FHIT: variants seen among roughly 807,000 people sequenced by gnomAD.
FHIT encodes the protein fragile histidine triad diadenosine triphosphatase, also known as bis(5'-adenosyl)-triphosphatase.
A neutral mutation model predicts 17.9 loss-of-function variants in FHIT; 19 were observed. The ratio of observed to expected loss-of-function variants is 1.06; its 90% CI spans 0.74 to 1.56. The LOEUF is 1.56. Among genes scored for constraint, FHIT ranks in the 40% most tolerant of loss-of-function variants. The probability of loss-of-function intolerance (pLI) is 0.00; values close to 1 mark genes in which losing one functional copy is unlikely to be tolerated. For missense variants in FHIT, 248 were observed against 189.2 expected, an observed-to-expected ratio of 1.31 and a Z score of -1.82; for synonymous variants, 81 against 69.7, an observed-to-expected ratio of 1.16 and a Z score of -0.81.
intron 5 of FHIT, among the ~76,000 whole-genome samples, chr3:60,415,608 A>G (rs997126032): frequency 6.6e-6 from 1 of 152,156 alleles, no homozygotes; most frequent in Admixed American, 6.5e-5. Flanking sequence ...ATATGAATCA[A>G]TAAGAGAATC....
Position 60,640,510 on chromosome 3 carries a change from A to G in FHIT, c.-17-103531T>C, listed in dbSNP as rs189827557. Reference sequence around the variant, plus strand: ...TTTTCTACATCTTTGAGAAATAGTTACATGGGATGTTTATTTTGAAAATAT... The same window carrying G: ...TTTTCTACATCTTTGAGAAATAGTTGCATGGGATGTTTATTTTGAAAATAT... On this transcript the variant is annotated intron_variant, in intron 4 of 9. Coordinates refer to ENST00000492590, the MANE Select transcript of FHIT (RefSeq NM_002012.4). 3.3e-5 allele frequency among the ~76,000 whole-genome samples: 5 copies of G among 152,298 alleles called. 1 individual carries two copies. The highest frequency in any genetic ancestry group is 2.6e-4 in the Admixed American group (4 of 15,288).
chr3:60,198,097 T>A (rs2107486068), intron 5 of FHIT, among the ~76,000 whole-genome samples: 2 of 150,094 alleles, frequency 1.3e-5, no homozygotes, highest in Admixed American at 1.3e-4. Context: ...TGAGGAACGT[T>A]TGGATGACTT....
chr3:60,113,693 C>A (rs138330022), intron 5 of FHIT, among the ~76,000 whole-genome samples: 1 of 151,622 alleles, frequency 6.6e-6, no homozygotes, highest in Admixed American at 6.6e-5. Flanking sequence ...TACACTTAAA[C>A]ATGATCAATG....
chr3:60,536,978 G>A lies in FHIT; in HGVS notation c.-16C>T, dbSNP rs375371932. On this transcript the variant is annotated splice_region_variant and 5_prime_UTR_variant, in exon 5 of 10. Coordinates refer to ENST00000492590, the MANE Select transcript of FHIT (RefSeq NM_002012.4). ...TGAACGACATGTCCTCACAGTTGAA[G>A]TCTAAAAGAAAAGACAATGGATAGT... 3.8e-6 allele frequency: 6 copies of A among 1,597,116 alleles called. No individual in the cohort carries two copies. The highest frequency in any genetic ancestry group is 4.3e-6 in the Non-Finnish European group (5 of 1,174,638).
chr3:60,904,062 T>C (rs1553763923), intron 3 of FHIT, among the ~76,000 whole-genome samples: 1 of 152,204 alleles, frequency 6.6e-6, no homozygotes, highest in East Asian at 1.9e-4. Context: ...TGTCCTTCCA[T>C]TTCTCATTTT....
intron 5 of FHIT, among the ~76,000 whole-genome samples, chr3:60,413,646 A>C (rs1269244481): frequency 3.4e-5 from 2 of 59,638 alleles, no homozygotes; most frequent in African/African-American, 1.4e-4. Flanking sequence ...GACTGCAGGG[A>C]ACTCTGTGTG....
chr3:60,462,058 A>G (rs995947034), intron 5 of FHIT, among the ~76,000 whole-genome samples: 2 of 152,166 alleles, frequency 1.3e-5, no homozygotes, highest in African/African-American at 4.8e-5. Context: ...CTAACACTGA[A>G]TGGGTGCCCC....
intron 3 of FHIT, among the ~76,000 whole-genome samples, chr3:60,921,737 C>T (rs375547928): frequency 2.0e-5 from 3 of 152,048 alleles, no homozygotes; most frequent in South Asian, 4.1e-4. Flanking sequence ...CAAATATGAT[C>T]AGACCTTCCC....
At chr3:60,188,201 TTC>T (rs1282051846) in intron 5 of FHIT, among the ~76,000 whole-genome samples, 19 of 93,606 alleles carry the variant, frequency 2.0e-4, no homozygotes, top group African/African-American at 6.8e-4. Flanking sequence ...TCTTGACAGT[TTC>T]TTTCTTTTTT....
intron 3 of FHIT, among the ~76,000 whole-genome samples, chr3:60,876,241 G>T (rs574345779): frequency 1.3e-5 from 2 of 152,134 alleles, no homozygotes; most frequent in South Asian, 4.2e-4. Flanking sequence ...GTTGAGTTTA[G>T]GTAATGGAAC....
chr3:60,827,718 T>C (rs1254324574), intron 3 of FHIT, among the ~76,000 whole-genome samples: 1 of 152,240 alleles, frequency 6.6e-6, no homozygotes, highest in Non-Finnish European at 1.5e-5. Context: ...GGCGTTCAGC[T>C]AGGGAGCTGT....
intron 5 of FHIT, among the ~76,000 whole-genome samples, chr3:60,160,074 C>T (rs1055058663): frequency 3.3e-5 from 5 of 151,988 alleles, no homozygotes; most frequent in African/African-American, 9.7e-5. Flanking sequence ...TTTTTAAAGT[C>T]TGTGCTGCAT....
intron 7 of FHIT, among the ~76,000 whole-genome samples, chr3:59,957,204 CCAT>C (rs1472763157): frequency 6.6e-5 from 10 of 152,146 alleles, no homozygotes; most frequent in African/African-American, 2.4e-4. Context: ...TAAAGTGAGA[CCAT>C]CAAGTTAAAA....
chr3:59,802,740 C>A (rs1410590322), intron 8 of FHIT, among the ~76,000 whole-genome samples: 1 of 152,122 alleles, frequency 6.6e-6, no homozygotes, highest in Non-Finnish European at 1.5e-5. Context: ...ACACGCGTGA[C>A]AATTGTTTTA....
intron 5 of FHIT, among the ~76,000 whole-genome samples, chr3:60,074,451 A>G (rs947824146): frequency 1.3e-5 from 2 of 152,098 alleles, no homozygotes; most frequent in African/African-American, 4.8e-5. Flanking sequence ...AGAGCAAAGC[A>G]TCAAAAGTTC....
At chr3:60,418,717 C>G (rs1702359252) in intron 5 of FHIT, among the ~76,000 whole-genome samples, 1 of 150,580 alleles carries the variant, frequency 6.6e-6, no homozygotes, top group Non-Finnish European at 1.5e-5. Context: ...AGTATTCATG[C>G]TACTGCACTC....
At chr3:60,275,683 G>A (rs1161470672) in intron 5 of FHIT, among the ~76,000 whole-genome samples, 2 of 152,088 alleles carry the variant, frequency 1.3e-5, no homozygotes, top group Non-Finnish European at 2.9e-5. Flanking sequence ...CATAATATGT[G>A]ATCAATAAAT....
At chr3:60,089,930 G>A (rs1043200380) in intron 5 of FHIT, among the ~76,000 whole-genome samples, 5 of 152,044 alleles carry the variant, frequency 3.3e-5, no homozygotes, top group African/African-American at 7.2e-5. Flanking sequence ...ACAGAATAAC[G>A]AATATATATG....
At chr3:60,024,853 T>A (rs989386266) in intron 5 of FHIT, among the ~76,000 whole-genome samples, 2 of 152,220 alleles carry the variant, frequency 1.3e-5, no homozygotes, top group Non-Finnish European at 2.9e-5. Context: ...GAGAAGCCAC[T>A]GAAGCATTTC....
Sources: gnomAD v4.1 joint callset for allele counts (sites outside exome capture counted in the v4.1 genomes callset) on GRCh38, gnomAD v4.1.1 for gene constraint, MANE v1.5 for transcripts, NCBI Gene and HGNC (gene_info 2026-07-23, HGNC 2026-07-21) for gene names.